Variants in TDP1 observed in about 807,000 individuals in gnomAD.
TDP1 encodes the protein tyrosyl-DNA phosphodiesterase 1.
Under a neutral mutation model 81.5 loss-of-function variants are expected in TDP1, and 64 were observed. The observed-to-expected ratio is 0.79, with a 90% CI of 0.64 to 0.97. The LOEUF is 0.97. Ranked by LOEUF, TDP1 falls within the 50% of genes least tolerant of loss-of-function variation. The pLI is 0.00. For missense variants in TDP1, 723 were observed against 743.8 expected (o/e 0.97, Z 0.33); for synonymous variants, 256 against 264.3 (o/e 0.97, Z 0.30).
intron 14 of TDP1, among the ~76,000 whole-genome samples, chr14:90,001,897 C>T (rs575624547): frequency 1.3e-4 from 19 of 151,906 alleles, no homozygotes; most frequent in Non-Finnish European, 8.8e-5. Flanking sequence ...CTGTAGGCAT[C>T]GACCTGGTTG....
intron 16 of TDP1, among the ~76,000 whole-genome samples, chr14:90,036,293 A>G (rs557294234): frequency 1.3e-5 from 2 of 152,362 alleles, no homozygotes; most frequent in Admixed American, 1.3e-4. Context: ...TTACCAGTTC[A>G]TATATAGCCA....
intron 6 of TDP1, among the ~76,000 whole-genome samples, chr14:89,974,514 C>A (rs1369322482): frequency 6.6e-6 from 1 of 152,206 alleles, no homozygotes; most frequent in African/African-American, 2.4e-5. Flanking sequence ...TTGTAACTCA[C>A]CTGTGTATTC....
rs370991229 is a variant in TDP1 at position 89,980,637 on chromosome 14, G to A, written c.884+5G>A. The A allele has an allele frequency of 6.0e-5, 97 of 1,611,900 alleles. No individual in the cohort carries two copies. The highest frequency in any genetic ancestry group is 7.5e-5 in the Non-Finnish European group (88 of 1,178,122). ...CTGGCACCAGAAAACTCAAGGGTTC[G>A]TAGGGGCCTGCTCACTTCCTGGCAG... On this transcript the variant is annotated splice_donor_5th_base_variant and intron_variant, in intron 8 of 16. Transcript: ENST00000335725.
At chr14:90,034,200 C>T (rs370245891) in intron 16 of TDP1, among the ~76,000 whole-genome samples, 3 of 152,208 alleles carry the variant, frequency 2.0e-5, no homozygotes, top group South Asian at 2.1e-4. Flanking sequence ...GCTGTGTTCT[C>T]ATTGAGGCTG....
chr14:89,981,476 C>T, intron 8 of TDP1: 4 of 454,836 alleles, frequency 8.8e-6, no homozygotes, highest in Non-Finnish European at 1.3e-5. Flanking sequence ...TTTTGTACAT[C>T]TCTGCCTGTG....
At chr14:89,957,174 G>C (rs1356851044) in intron 2 of TDP1, 1 of 152,148 alleles carries the variant, frequency 6.6e-6, no homozygotes, top group Non-Finnish European at 1.5e-5. Flanking sequence ...ATATTCCAAA[G>C]GTCACCCCTA....
intron 15 of TDP1, among the ~76,000 whole-genome samples, chr14:90,021,257 T>C (rs1030237578): frequency 6.6e-6 from 1 of 152,232 alleles, no homozygotes; most frequent in Non-Finnish European, 1.5e-5. Context: ...TACAAAACTA[T>C]GTAACTAACC....
chr14:90,000,547 G>A (rs181500217), intron 14 of TDP1, among the ~76,000 whole-genome samples: 2 of 152,136 alleles, frequency 1.3e-5, no homozygotes, highest in South Asian at 2.1e-4. Context: ...ACCAGACCAC[G>A]GCTAATTTTG....
In TDP1 at chr14:89,981,470, G is replaced by A. The variant is rs770330161; in HGVS notation, c.884+838G>A. The A allele has an allele frequency of 3.8e-4, 171 of 454,498 alleles. 1 individual carries two copies. The highest frequency in any genetic ancestry group is 5.6e-4 in the Non-Finnish European group (127 of 226,218). The allele number at this position is 454,498 out of a possible 1,614,324, so 28.2% of individuals were successfully genotyped here. On this transcript the variant is annotated intron_variant, in intron 8 of 16. Coordinates refer to ENST00000335725, the MANE Select transcript of TDP1 (RefSeq NM_018319.4). The stretch of plus-strand genomic sequence containing the variant: ...AATTTTCTTTTGTTTAAGCCATTTT[G>A]TACATCTCTGCCTGTGCTAGAGAAG...
chr14:90,002,706 C>CAA (rs1393610222), intron 14 of TDP1, among the ~76,000 whole-genome samples: 89 of 105,084 alleles, frequency 8.5e-4, no homozygotes, highest in African/African-American at 2.7e-3. Flanking sequence ...CCCATCTCTA[C>CAA]AAAAAAAAAA....
chr14:89,995,178 C>T (rs1896557376), intron 14 of TDP1, among the ~76,000 whole-genome samples: 1 of 152,158 alleles, frequency 6.6e-6, no homozygotes, highest in Non-Finnish European at 1.5e-5. Context: ...ATCTACTTGC[C>T]TAAATGTTTA....
chr14:89,989,616 A>T (rs1028304042), intron 11 of TDP1, 101 bp from the exon 12 acceptor site: 7 of 1,182,442 alleles, frequency 5.9e-6, no homozygotes, highest in South Asian at 4.3e-5. Flanking sequence ...TTCTAATTTA[A>T]AAGTATTTTT....
chr14:89,994,718 T>C (rs1222166708), intron 14 of TDP1, among the ~76,000 whole-genome samples: 5 of 152,200 alleles, frequency 3.3e-5, no homozygotes, highest in African/African-American at 1.2e-4. Flanking sequence ...CTGTTAGAAA[T>C]GTATTGCCTT....
intron 9 of TDP1, 105 bp downstream of exon 9, chr14:89,984,788 A>G: frequency 6.3e-7 from 1 of 1,597,546 alleles, no homozygotes; most frequent in Non-Finnish European, 8.5e-7. Flanking sequence ...GGTGAAATCT[A>G]GCCAAGCTTC....
chr14:89,986,176 G>A (rs1034941654), intron 10 of TDP1, among the ~76,000 whole-genome samples: 2 of 152,192 alleles, frequency 1.3e-5, no homozygotes, highest in Non-Finnish European at 2.9e-5. Flanking sequence ...CTTAAAGCAG[G>A]CAAGATCTTG....
intron 5 of TDP1, among the ~76,000 whole-genome samples, chr14:89,969,582 GTGTTTCT>G (rs1194970696): frequency 2.9e-4 from 44 of 152,106 alleles, no homozygotes; most frequent in Admixed American, 2.7e-3. Flanking sequence ...AGATGCACGT[GTGTTTCT>G]TACATTATTC....
intron 14 of TDP1, among the ~76,000 whole-genome samples, chr14:90,016,873 C>G (rs1304856137): frequency 6.6e-6 from 1 of 152,102 alleles, no homozygotes; most frequent in Non-Finnish European, 1.5e-5. Context: ...CATGGGACCT[C>G]CAGAGTTCTA....
intron 15 of TDP1, chr14:90,022,643 C>A: frequency 1.8e-6 from 1 of 553,122 alleles, no homozygotes; most frequent in Non-Finnish European, 2.3e-6. Context: ...TCTTGTCAGT[C>A]TGTAAAAAGG....
rs538549178 is a variant in TDP1, at chr14:89,983,996, G to A, written c.885-520G>A. On this transcript the variant is annotated intron_variant, in intron 8 of 16. Coordinates refer to ENST00000335725, the MANE Select transcript of TDP1 (RefSeq NM_018319.4). ...TATAGGACCTACGTTATGAAAATGG[G>A]TTTGTTAATTGAAAATAGATTTTTC... The A allele has an allele frequency of 8.0e-5, 34 of 423,856 alleles. No homozygotes were observed. In the South Asian group the frequency reaches 3.0e-3, roughly 37 times the overall value. 26.3% of individuals were successfully genotyped at this position (423,856 alleles called of 1,614,324 possible).
Sources: allele counts gnomAD v4.1 joint callset (sites outside exome capture counted in the v4.1 genomes callset), GRCh38; gene constraint gnomAD v4.1.1; transcripts MANE v1.5; gene names NCBI Gene and HGNC (gene_info 2026-07-23, HGNC 2026-07-21).